NUGGC: variants seen among roughly 807,000 people sequenced by gnomAD.
The protein encoded by NUGGC is nuclear GTPase, germinal center associated, also known as nuclear GTPase SLIP-GC.
Under a neutral mutation model 92.6 loss-of-function variants are expected in NUGGC, and 58 were observed. The observed-to-expected ratio is 0.63, with a 90% confidence interval of 0.51 to 0.78. The LOEUF is 0.78. Among genes scored for constraint, NUGGC ranks in the 30% least tolerant of loss-of-function variants. The probability of loss-of-function intolerance (pLI) is 0.00; values close to 1 mark genes in which losing one functional copy is unlikely to be tolerated. For synonymous variants in NUGGC, 376 were observed against 366.4 expected, an observed-to-expected ratio of 1.03 and a Z score of -0.30; for missense variants, 925 against 964.6, an observed-to-expected ratio of 0.96 and a Z score of 0.54.
At chr8:28,055,360 C>T (rs374511868) in intron 10 of NUGGC, among the ~76,000 whole-genome samples, 6 of 152,282 alleles carry the variant, frequency 3.9e-5, no homozygotes, top group East Asian at 3.9e-4. Flanking sequence ...ATCTTTCCTC[C>T]GTGTCCCATA....
intron 1 of NUGGC, among the ~76,000 whole-genome samples, chr8:28,083,573 G>A (rs1204301352): frequency 5.3e-5 from 8 of 152,210 alleles, no homozygotes; most frequent in East Asian, 1.9e-4. Flanking sequence ...TAAGAATAAC[G>A]TATCAGTATC....
At chr8:28,043,237 G>A (rs1809744595) in intron 12 of NUGGC, among the ~76,000 whole-genome samples, 1 of 151,984 alleles carries the variant, frequency 6.6e-6, no homozygotes, top group Non-Finnish European at 1.5e-5. Context: ...GAGAATAAAA[G>A]AACAATAAGA....
At chr8:28,050,986 ACT>A (rs997306500) in intron 10 of NUGGC, among the ~76,000 whole-genome samples, 1 of 146,848 alleles carries the variant, frequency 6.8e-6, no homozygotes, top group African/African-American at 2.5e-5. Flanking sequence ...AGCCCCTAGC[ACT>A]CTTTTTTTGC....
At chr8:28,079,776 G>T (rs1256499589) in intron 1 of NUGGC, among the ~76,000 whole-genome samples, 1 of 152,168 alleles carries the variant, frequency 6.6e-6, no homozygotes, top group African/African-American at 2.4e-5. Flanking sequence ...CGCAAAGGAG[G>T]GTTCCCTCAA....
intron 18 of NUGGC, among the ~76,000 whole-genome samples, chr8:28,024,633 C>T (rs1809209656): frequency 6.6e-6 from 1 of 152,200 alleles, no homozygotes; most frequent in Admixed American, 6.5e-5. Context: ...TTTCTAATCC[C>T]CCTTGGCTTT....
chr8:28,049,791 A>C (rs1459168625), intron 10 of NUGGC, among the ~76,000 whole-genome samples: 1 of 152,234 alleles, frequency 6.6e-6, no homozygotes, highest in Non-Finnish European at 1.5e-5. Context: ...GTGGAAGCTC[A>C]AACCAGAAGG....
chr8:28,028,892 C>G lies in NUGGC; in HGVS notation c.2154+374G>C, dbSNP rs561693149. ...GTTGGACATGCTGGAGACAGGCTTCCCAATCCCAAATCCCAGCTGTGCATC... is the reference window on the plus strand; with the variant it reads ...GTTGGACATGCTGGAGACAGGCTTCGCAATCCCAAATCCCAGCTGTGCATC... On this transcript the variant is annotated intron_variant, in intron 17 of 18. Coordinates refer to ENST00000413272, the MANE Select transcript of NUGGC (RefSeq NM_001010906.2). Among the ~76,000 whole-genome samples the G allele has an allele frequency of 1.1e-4, 17 of 152,266 alleles. No homozygotes were observed. The South Asian group carries it at 3.3e-3, about 30-fold the overall frequency.
chr8:28,027,257 G>T (rs1412265951), intron 17 of NUGGC, among the ~76,000 whole-genome samples: 4 of 152,182 alleles, frequency 2.6e-5, no homozygotes, highest in Non-Finnish European at 5.9e-5. Flanking sequence ...CATTTCTGTG[G>T]GCTCCCATCT....
intron 2 of NUGGC, 27 bp from the exon 3 acceptor site, chr8:28,070,383 A>T (rs1810558467): frequency 4.1e-6 from 5 of 1,221,026 alleles, no homozygotes; most frequent in Non-Finnish European, 5.9e-6. Context: ...GATATATAAG[A>T]TTATAGGTGT....
intron 14 of NUGGC, among the ~76,000 whole-genome samples, chr8:28,032,675 G>T (rs1014041238): frequency 6.7e-6 from 1 of 148,542 alleles, no homozygotes; most frequent in East Asian, 2.0e-4. Flanking sequence ...CTGAGATCGC[G>T]CCACTGCACC....
At chr8:28,024,296 C>T (rs1809199385) in intron 18 of NUGGC, among the ~76,000 whole-genome samples, 2 of 151,110 alleles carry the variant, frequency 1.3e-5, no homozygotes, top group South Asian at 2.1e-4. Flanking sequence ...ACACCCGCCT[C>T]GGCCTCCCAA....
At position 28,064,176 on chromosome 8, in the gene NUGGC, G is replaced by A. The variant is rs780968585; in HGVS notation, c.921+346C>T. ...ACACAGTTGCAGCCTCTTGGTTCTT[G>A]GTGACTGGCTGCAGCTTCTCTGCTT... is the stretch of plus-strand genomic sequence containing the variant. On this transcript the variant is annotated intron_variant, in intron 7 of 18. Coordinates refer to ENST00000413272, the MANE Select transcript of NUGGC (RefSeq NM_001010906.2). 2.6e-5 allele frequency among the ~76,000 whole-genome samples: 4 copies of A among 152,124 alleles called. No individual in the cohort carries two copies. The South Asian group carries it at 8.3e-4, about 31-fold the overall frequency.
chr8:28,034,594 T>C (rs950218386), intron 13 of NUGGC, among the ~76,000 whole-genome samples: 20 of 152,116 alleles, frequency 1.3e-4, no homozygotes, highest in African/African-American at 4.6e-4. Context: ...GGCAGGTGGA[T>C]CATCTGAGGT....
At chr8:28,038,940 G>T (rs779530029) in intron 13 of NUGGC, among the ~76,000 whole-genome samples, 1 of 152,088 alleles carries the variant, frequency 6.6e-6, no homozygotes, top group African/African-American at 2.4e-5. Context: ...ATAAGGTAAC[G>T]TGCAGTATCT....
intron 17 of NUGGC, among the ~76,000 whole-genome samples, chr8:28,028,949 C>A (rs1236989436): frequency 6.6e-6 from 1 of 152,158 alleles, no homozygotes; most frequent in Non-Finnish European, 1.5e-5. Context: ...GATACATCTC[C>A]CGCTGCCAGA....
At chr8:28,062,637 A>G (rs1270899014) in intron 7 of NUGGC, among the ~76,000 whole-genome samples, 1 of 152,178 alleles carries the variant, frequency 6.6e-6, no homozygotes, top group Non-Finnish European at 1.5e-5. Context: ...AAACAAAAGT[A>G]GAAGCAGCTT....
At chr8:28,031,016 A>T (rs911348187) in intron 15 of NUGGC, among the ~76,000 whole-genome samples, 4 of 152,200 alleles carry the variant, frequency 2.6e-5, no homozygotes, top group Admixed American at 2.0e-4. Context: ...GTGCACTCTC[A>T]GTTGCTTCAC....
chr8:28,038,743 C>T (rs1809618732), intron 13 of NUGGC, among the ~76,000 whole-genome samples: 1 of 152,108 alleles, frequency 6.6e-6, no homozygotes, highest in African/African-American at 2.4e-5. Context: ...CAATCGTTTG[C>T]TGAGTAGTTT....
chr8:28,068,493 G>A (rs1240199119), intron 4 of NUGGC, 55 bp from the exon 5 acceptor site: 15 of 1,237,512 alleles, frequency 1.2e-5, no homozygotes, highest in African/African-American at 3.0e-5. Flanking sequence ...AGAGTGAAGA[G>A]CATTGAAACA....
Sources: allele counts gnomAD v4.1 joint callset (sites outside exome capture counted in the v4.1 genomes callset), GRCh38; gene constraint gnomAD v4.1.1; transcripts MANE v1.5; gene names NCBI Gene and HGNC (gene_info 2026-07-23, HGNC 2026-07-21).